Variants in PTPRT observed in about 807,000 individuals in gnomAD.
The protein encoded by PTPRT is receptor-type tyrosine-protein phosphatase T.
In PTPRT, 56 loss-of-function variants were observed where a neutral mutation model predicts 176.8. That is an observed-to-expected ratio of 0.32 (90% CI 0.26 to 0.40). The LOEUF (loss-of-function observed/expected upper bound fraction) is 0.40. PTPRT is among the 10% of genes least tolerant of loss of function. PTPRT has a pLI of 1.00. For missense variants in PTPRT, 1,540 were observed against 1,908.2 expected (o/e 0.81, Z 3.60); for synonymous variants, 783 against 739.0 (o/e 1.06, Z -0.96).
intron 1 of PTPRT, among the ~76,000 whole-genome samples, chr20:42,909,017 T>A (rs1244192056): frequency 6.6e-6 from 1 of 151,568 alleles, no homozygotes; most frequent in African/African-American, 2.4e-5. Flanking sequence ...TAGCTGGGAG[T>A]GGTGGCATGT....
At chr20:42,767,480 T>G (rs1004101753) in intron 5 of PTPRT, among the ~76,000 whole-genome samples, 2 of 152,032 alleles carry the variant, frequency 1.3e-5, no homozygotes, top group Non-Finnish European at 2.9e-5. Flanking sequence ...AGATGGCAGA[T>G]CATGAGACTT....
At chr20:42,876,087 C>T (rs1408164436) in intron 2 of PTPRT, among the ~76,000 whole-genome samples, 2 of 152,124 alleles carry the variant, frequency 1.3e-5, no homozygotes, top group African/African-American at 4.8e-5. Flanking sequence ...TCTCAAAACA[C>T]ATCAATATGT....
chr20:42,221,903 A>C (rs529570274), intron 15 of PTPRT, among the ~76,000 whole-genome samples: 1 of 152,316 alleles, frequency 6.6e-6, no homozygotes, highest in South Asian at 2.1e-4. Context: ...CACCCCCAAG[A>C]TCCAGTCAGC....
chr20:42,118,330 T>G, intron 21 of PTPRT, 73 bp downstream of exon 21: 1 of 1,355,552 alleles, frequency 7.4e-7, no homozygotes, highest in Non-Finnish European at 1.0e-6. Context: ...CTTAGCACGA[T>G]GCATGGAACA....
At chr20:42,958,531 A>G (rs1600594886) in intron 1 of PTPRT, among the ~76,000 whole-genome samples, 1 of 151,782 alleles carries the variant, frequency 6.6e-6, no homozygotes, top group East Asian at 1.9e-4. Flanking sequence ...AAAAGTGTCT[A>G]GTCCAATCAA....
intron 7 of PTPRT, among the ~76,000 whole-genome samples, chr20:42,619,973 G>A (rs547341103): frequency 3.4e-4 from 51 of 149,186 alleles, no homozygotes; most frequent in African/African-American, 1.2e-3. Flanking sequence ...GCTTTGTTCC[G>A]TTGCTGGTGA....
At chr20:42,125,259 C>G (rs1030119678) in intron 19 of PTPRT, among the ~76,000 whole-genome samples, 4 of 152,204 alleles carry the variant, frequency 2.6e-5, no homozygotes, top group African/African-American at 4.8e-5. Context: ...GGGATCATGA[C>G]AGATACTTTA....
intron 9 of PTPRT, among the ~76,000 whole-genome samples, chr20:42,398,604 C>T (rs1166832154): frequency 1.3e-5 from 2 of 152,060 alleles, no homozygotes; most frequent in African/African-American, 4.8e-5. Context: ...AGAACAAAAT[C>T]TCTTTGTATA....
At position 43,062,751 on chromosome 20, in the gene PTPRT, G is replaced by T. The variant is rs933330201; in HGVS notation, c.88+126895C>A. Among the ~76,000 whole-genome samples the T allele has an allele frequency of 3.9e-5, 6 of 152,146 alleles. No homozygotes were observed. The East Asian group carries it at 1.2e-3, about 29-fold the overall frequency. Reference sequence around the variant, plus strand: ...TGACAGTTACTATTTTCTTTCCAAGGAATCAGATTTTCTGCCTAGGTAACT... The same window carrying T: ...TGACAGTTACTATTTTCTTTCCAAGTAATCAGATTTTCTGCCTAGGTAACT... On this transcript the variant is annotated intron_variant, in intron 1 of 30. Transcript: ENST00000373187.
intron 1 of PTPRT, among the ~76,000 whole-genome samples, chr20:43,082,851 TG>T (rs1218573568): frequency 6.6e-6 from 1 of 152,126 alleles, no homozygotes; most frequent in East Asian, 1.9e-4. Flanking sequence ...ATCAAAGAGC[TG>T]AAACTCATCA....
At chr20:42,808,143 G>T (rs943812283) in intron 2 of PTPRT, among the ~76,000 whole-genome samples, 6 of 152,190 alleles carry the variant, frequency 3.9e-5, no homozygotes, top group African/African-American at 1.4e-4. Flanking sequence ...GCTCCCCGTG[G>T]AGTTGGCTAA....
chr20:42,196,720 A>G (rs1991231032), intron 16 of PTPRT, among the ~76,000 whole-genome samples: 1 of 152,206 alleles, frequency 6.6e-6, no homozygotes, highest in South Asian at 2.1e-4. Flanking sequence ...TAGGAAATGT[A>G]TGAGTCTCAG....
the PTPRT span, among the ~76,000 whole-genome samples, chr20:42,062,131 C>T: frequency 0.12 from 17,611 of 152,132 alleles, 2,751 homozygotes; most frequent in African/African-American, 0.36. Flanking sequence ...TCCTGAGTTA[C>T]TCACATTCCA....
chr20:42,083,821 TGA>T (rs1374184436), intron 29 of PTPRT, among the ~76,000 whole-genome samples: 2 of 152,206 alleles, frequency 1.3e-5, no homozygotes, highest in African/African-American at 4.8e-5. Flanking sequence ...AGAAGCAAAG[TGA>T]GTGTGAATCA....
Position 42,741,698 on chromosome 20 carries a change from T to C in PTPRT, c.859+14764A>G, listed in dbSNP as rs112734238. On this transcript the variant is annotated intron_variant, in intron 6 of 30. Transcript: ENST00000373187. ...GCAATTCCTTGATGACATCATGGACTAGTAGTCAACCAAGAGTCTTATGGT... is the reference window on the plus strand; with the variant it reads ...GCAATTCCTTGATGACATCATGGACCAGTAGTCAACCAAGAGTCTTATGGT... Among the ~76,000 whole-genome samples the C allele has an allele frequency of 2.1e-3, 318 of 152,162 alleles. 4 individuals are homozygous for C. Among genetic ancestry groups the C allele is most frequent in the African/African-American group, 7.0e-3 (292 of 41,514 alleles).
intron 7 of PTPRT, among the ~76,000 whole-genome samples, chr20:42,534,206 T>C (rs2072434971): frequency 6.6e-6 from 1 of 152,186 alleles, no homozygotes; most frequent in Non-Finnish European, 1.5e-5. Context: ...GAGCCTGACA[T>C]TGCCTTCATT....
chr20:42,583,632 A>G (rs968207283), intron 7 of PTPRT, among the ~76,000 whole-genome samples: 1 of 152,188 alleles, frequency 6.6e-6, no homozygotes, highest in Non-Finnish European at 1.5e-5. Context: ...ACATGGACAC[A>G]CACAGAGGCA....
chr20:42,850,247 G>T (rs888694615), intron 2 of PTPRT, among the ~76,000 whole-genome samples: 2 of 152,146 alleles, frequency 1.3e-5, no homozygotes, highest in Admixed American at 1.3e-4. Context: ...TATAGTGTAG[G>T]CACAGGCATC....
chr20:43,187,509 G>A (rs565933290), intron 1 of PTPRT, among the ~76,000 whole-genome samples: 24 of 151,826 alleles, frequency 1.6e-4, no homozygotes, highest in African/African-American at 4.8e-4. Flanking sequence ...TCTAGTTGCC[G>A]TTAAACTGGA....
Sources: allele counts gnomAD v4.1 joint callset (sites outside exome capture counted in the v4.1 genomes callset), GRCh38; gene constraint gnomAD v4.1.1; transcripts MANE v1.5; gene names NCBI Gene and HGNC (gene_info 2026-07-23, HGNC 2026-07-21).